The following ZCWPW2 variants were observed in gnomAD, a reference collection of about 807,000 sequenced individuals.
ZCWPW2 encodes zinc finger CW-type and PWWP domain containing 2.
Under a neutral mutation model 46.6 loss-of-function variants are expected in ZCWPW2, and 45 were observed. The observed-to-expected ratio is 0.96, with a 90% confidence interval of 0.76 to 1.24. The LOEUF (loss-of-function observed/expected upper bound fraction) is 1.24. Among genes scored for constraint, ZCWPW2 ranks in the 50% most tolerant of loss-of-function variants. The pLI is 0.00. For synonymous variants in ZCWPW2, 152 were observed against 137.1 expected, an observed-to-expected ratio of 1.11 and a Z score of -0.76; for missense variants, 429 against 403.9, an observed-to-expected ratio of 1.06 and a Z score of -0.53.
Position 28,365,848 on chromosome 3 carries a change from G to T in ZCWPW2, c.-134+16645G>T, listed in dbSNP as rs1361638732. On this transcript the variant is annotated intron_variant, in intron 1 of 9. Transcript: ENST00000383768. ...TGAGCAGTGGTTTGTAGTTTTCCTT[G>T]AAGAGGTCCTTCATCTCCCGTGTAA... Among the ~76,000 whole-genome samples the T allele has an allele frequency of 8.5e-5, 12 of 141,000 alleles. 1 individual carries two copies. Among genetic ancestry groups the T allele is most frequent in the Non-Finnish European group, 1.7e-4 (11 of 62,988 alleles). The allele number at this position is 141,000 out of a possible 152,430, so 92.5% of individuals were successfully genotyped here. A position where few individuals can be genotyped will look rare whatever the true frequency, so the allele number is the denominator to read the frequency against.
intron 3 of ZCWPW2, among the ~76,000 whole-genome samples, chr3:28,424,592 C>T (rs952819881): frequency 6.6e-6 from 1 of 152,126 alleles, no homozygotes; most frequent in Non-Finnish European, 1.5e-5. Flanking sequence ...AGAAACCAAA[C>T]ATGTCAATGT....
In ZCWPW2 at chr3:28,493,128, T is replaced by A. The variant is rs201301676; in HGVS notation, c.657+955T>A. ...TTTTTTTCTGGTTTATCTTTATTTT[T>A]TTTTATTTTATTTTTTTTAATGTTT... is the stretch of plus-strand genomic sequence containing the variant. On this transcript the variant is annotated intron_variant, in intron 6 of 9. Transcript: ENST00000383768. Among the ~76,000 whole-genome samples, 27 of 118,254 alleles carry A rather than the reference T, an allele frequency of 2.3e-4. No individual in the cohort carries two copies. The East Asian group carries it at 3.2e-3, about 14-fold the overall frequency. The allele number at this position is 118,254 out of a possible 152,430, so 77.6% of individuals were successfully genotyped here.
At chr3:28,432,605 G>C (rs1161561465) in intron 3 of ZCWPW2, among the ~76,000 whole-genome samples, 1 of 152,078 alleles carries the variant, frequency 6.6e-6, no homozygotes, top group African/African-American at 2.4e-5. Context: ...TTAACACTTA[G>C]TTGATATATA....
chr3:28,412,890 C>T (rs928636597), intron 2 of ZCWPW2, among the ~76,000 whole-genome samples, 166 bp from the exon 3 acceptor site: 13 of 151,626 alleles, frequency 8.6e-5, no homozygotes, highest in African/African-American at 3.2e-4. Context: ...TCCTTTATTT[C>T]TGGGTAGGTG....
intron 4 of ZCWPW2, among the ~76,000 whole-genome samples, chr3:28,459,618 T>C (rs1698554182): frequency 6.6e-6 from 1 of 152,188 alleles, no homozygotes. Context: ...TTGGGCAGGA[T>C]TGTGACATTA....
intron 4 of ZCWPW2, among the ~76,000 whole-genome samples, chr3:28,454,211 T>C (rs886416478): frequency 2.0e-5 from 3 of 152,194 alleles, no homozygotes; most frequent in Non-Finnish European, 2.9e-5. Flanking sequence ...CCTTCTACCT[T>C]ATTTTTACAC....
intron 8 of ZCWPW2, among the ~76,000 whole-genome samples, chr3:28,516,549 T>C (rs1002385246): frequency 2.6e-5 from 4 of 152,142 alleles, no homozygotes; most frequent in Non-Finnish European, 4.4e-5. Context: ...TGAAAAGCAG[T>C]GAAATGCTTA....
At chr3:28,359,045 T>C (rs748716527) in intron 1 of ZCWPW2, among the ~76,000 whole-genome samples, 14 of 152,118 alleles carry the variant, frequency 9.2e-5, no homozygotes, top group Non-Finnish European at 1.9e-4. Flanking sequence ...GTCATTGATA[T>C]GTTGAATCTA....
intron 3 of ZCWPW2, among the ~76,000 whole-genome samples, chr3:28,423,349 T>A (rs963938103): frequency 1.3e-5 from 2 of 150,738 alleles, no homozygotes; most frequent in Admixed American, 6.6e-5. Flanking sequence ...CAGTTTCTCA[T>A]CCTGTGAGCT....
In ZCWPW2 at chr3:28,524,716, T is replaced by A. The variant is rs1437550272; in HGVS notation, c.*28T>A. On this transcript the variant is annotated 3_prime_UTR_variant, in exon 10 of 10. Coordinates refer to ENST00000383768, the MANE Select transcript of ZCWPW2 (RefSeq NM_001040432.4). ...CATTATACATTTTTCAAATTAATTA[T>A]AAAAATATTGGCATCTTTATATTTA... 2 of 1,429,736 alleles carry A rather than the reference T, an allele frequency of 1.4e-6. No individual in the cohort carries two copies. The highest frequency in any genetic ancestry group is 3.0e-5 in the African/African-American group (2 of 67,304). 88.6% of individuals were successfully genotyped at this position (1,429,736 alleles called of 1,614,324 possible).
intron 1 of ZCWPW2, among the ~76,000 whole-genome samples, chr3:28,385,672 A>AGGCTCTG (rs1231203683): frequency 7.9e-5 from 12 of 152,190 alleles, no homozygotes; most frequent in African/African-American, 2.7e-4. Flanking sequence ...TGATTGCTGT[A>AGGCTCTG]GGCTCTGGGC....
At chr3:28,401,720 T>C (rs1316771887) in intron 2 of ZCWPW2, among the ~76,000 whole-genome samples, 1 of 152,086 alleles carries the variant, frequency 6.6e-6, no homozygotes, top group Admixed American at 6.6e-5. Context: ...GTTAAAATTA[T>C]ATCAGGCACT....
chr3:28,441,640 C>G (rs1477867355), intron 4 of ZCWPW2, among the ~76,000 whole-genome samples: 2 of 152,018 alleles, frequency 1.3e-5, no homozygotes, highest in Non-Finnish European at 2.9e-5. Flanking sequence ...GACTGGAGAC[C>G]GTGGGCATTT....
chr3:28,482,925 A>G (rs1209034480), intron 5 of ZCWPW2, among the ~76,000 whole-genome samples: 1 of 152,178 alleles, frequency 6.6e-6, no homozygotes, highest in Non-Finnish European at 1.5e-5. Flanking sequence ...TTCTGCAAAT[A>G]CTTGCTCCCA....
intron 1 of ZCWPW2, among the ~76,000 whole-genome samples, chr3:28,351,320 C>T (rs988240268): frequency 1.3e-5 from 2 of 150,666 alleles, no homozygotes; most frequent in Non-Finnish European, 2.9e-5. Context: ...TACACCAATT[C>T]CAAGATCTAG....
chr3:28,368,137 C>A (rs565407172), intron 1 of ZCWPW2, among the ~76,000 whole-genome samples: 1 of 152,094 alleles, frequency 6.6e-6, no homozygotes, highest in Non-Finnish European at 1.5e-5. Context: ...AGCATTTAGT[C>A]CATTTACATT....
chr3:28,372,815 C>T (rs1173625386), intron 1 of ZCWPW2, among the ~76,000 whole-genome samples: 1 of 152,132 alleles, frequency 6.6e-6, no homozygotes, highest in African/African-American at 2.4e-5. Context: ...CTATTATTCC[C>T]CTCTGTAGCT....
At chr3:28,429,491 A>T (rs1481806914) in intron 3 of ZCWPW2, among the ~76,000 whole-genome samples, 1 of 152,224 alleles carries the variant, frequency 6.6e-6, no homozygotes. Context: ...AGAGCATAAA[A>T]GTTTGGAAAA....
chr3:28,392,963 A>G (rs1695554533), intron 2 of ZCWPW2, among the ~76,000 whole-genome samples: 1 of 152,034 alleles, frequency 6.6e-6, no homozygotes, highest in Non-Finnish European at 1.5e-5. Flanking sequence ...AAAAAAATAG[A>G]GATTAGAAAT....
Sources: gnomAD v4.1 joint callset for allele counts (sites outside exome capture counted in the v4.1 genomes callset) on GRCh38, gnomAD v4.1.1 for gene constraint, MANE v1.5 for transcripts, NCBI Gene and HGNC (gene_info 2026-07-23, HGNC 2026-07-21) for gene names.